The following EZR variants were observed in gnomAD, a reference collection of about 807,000 sequenced individuals.
EZR encodes cytovillin 2.
EZR carries 40 observed loss-of-function variants against 74.8 expected under a neutral mutation model. The observed-to-expected ratio is 0.53, with a 90% CI of 0.42 to 0.70. EZR has a LOEUF of 0.70. Ranked by LOEUF, EZR falls within the 30% of genes least tolerant of loss-of-function variation. The pLI, the probability that EZR is intolerant of heterozygous loss-of-function variation, is 0.00. For synonymous variants in EZR, 341 were observed against 283.3 expected (o/e 1.20, Z -2.05); for missense variants, 678 against 755.8 (o/e 0.90, Z 1.21).
chr6:158,773,475 A>G (rs374826420), intron 8 of EZR, among the ~76,000 whole-genome samples: 4 of 152,264 alleles, frequency 2.6e-5, no homozygotes, highest in African/African-American at 7.2e-5. Flanking sequence ...ATGCAGAACC[A>G]CAACACGACA....
At chr6:158,771,200 T>A (rs776787260) in intron 9 of EZR, 44 bp downstream of exon 9, 1 of 1,565,218 alleles carries the variant, frequency 6.4e-7, no homozygotes, top group Admixed American at 1.9e-5. Context: ...AGTGGCTGAG[T>A]TGGGAGAACA....
chr6:158,790,536 T>C (rs1367642624), intron 2 of EZR, among the ~76,000 whole-genome samples: 1 of 152,190 alleles, frequency 6.6e-6, no homozygotes, highest in Non-Finnish European at 1.5e-5. Context: ...TAGCTGGGCA[T>C]AGTGGCGCAC....
Position 158,818,110 on chromosome 6 carries a change from G to A in EZR, c.-17C>T. ...TTTCGGCATTTTCGGTTTCTGGTGA[G>A]TATCCTCGATCCCCGAAAACACGAC... On this transcript the variant is annotated 5_prime_UTR_variant, in exon 2 of 14. Coordinates refer to ENST00000367075, the MANE Select transcript of EZR (RefSeq NM_001111077.2). 1 of 1,607,594 alleles carries A rather than the reference G, an allele frequency of 6.2e-7. No individual in the cohort carries two copies. Among genetic ancestry groups the A allele is most frequent in the Non-Finnish European group, 8.5e-7 (1 of 1,175,626 alleles).
At chr6:158,808,870 A>AT (rs1777395743) in intron 2 of EZR, among the ~76,000 whole-genome samples, 1 of 152,250 alleles carries the variant, frequency 6.6e-6, no homozygotes, top group Admixed American at 6.5e-5. Context: ...GCTCATGGCT[A>AT]TAATGCCAAC....
intron 2 of EZR, among the ~76,000 whole-genome samples, chr6:158,793,926 T>C (rs1394835412): frequency 2.0e-5 from 3 of 152,154 alleles, no homozygotes; most frequent in Non-Finnish European, 4.4e-5. Flanking sequence ...TTCACTGAGA[T>C]GACAGGACCA....
rs140837132 is a variant in EZR, at chr6:158,794,917, A to G, written c.13-5546T>C. 3.9e-4 allele frequency among the ~76,000 whole-genome samples: 60 copies of G among 152,288 alleles called. 3 individuals are homozygous for G. In the South Asian group the frequency reaches 0.012, roughly 29 times the overall value. On this transcript the variant is annotated intron_variant, in intron 2 of 13. Coordinates refer to ENST00000367075, the MANE Select transcript of EZR (RefSeq NM_001111077.2). ...TACAGATGAAGCTAATGAAAAACCA[A>G]TACTGTTTATACTCTCCCTTTGCTT...
intron 2 of EZR, among the ~76,000 whole-genome samples, chr6:158,790,191 G>C (rs765543835): frequency 6.6e-6 from 1 of 152,114 alleles, no homozygotes; most frequent in Non-Finnish European, 1.5e-5. Context: ...GTAGAAACTG[G>C]GCAAATTGCT....
chr6:158,766,664 C>G lies in EZR; in HGVS notation c.*250G>C, dbSNP rs1001049983. 1 of 544,272 alleles carries G rather than the reference C, an allele frequency of 1.8e-6. No individual in the cohort carries two copies. Among genetic ancestry groups the G allele is most frequent in the Non-Finnish European group, 3.3e-6 (1 of 304,946 alleles). The allele number at this position is 544,272 out of a possible 1,614,324, so 33.7% of individuals were successfully genotyped here. On this transcript the variant is annotated 3_prime_UTR_variant, in exon 14 of 14. Transcript: ENST00000367075. ...TTCCGTAATTCAATCAGTCCTGCTC[C>G]CAGCACAACACAGGAGGTGATTCGA...
chr6:158,766,909 G>T lies in EZR; in HGVS notation c.*5C>A. 1 of 1,613,816 alleles carries T rather than the reference G, an allele frequency of 6.2e-7. No individual in the cohort carries two copies. The highest frequency in any genetic ancestry group is 8.5e-7 in the Non-Finnish European group (1 of 1,179,848). ...ACCCCTCTGCCCTTGGTCCTGGCCT[G>T]GCTGTTACAGGGCCTCGAACTCGTC... On this transcript the variant is annotated 3_prime_UTR_variant, in exon 14 of 14. Coordinates refer to ENST00000367075, the MANE Select transcript of EZR (RefSeq NM_001111077.2).
At chr6:158,779,246 C>T (rs1311057854) in intron 7 of EZR, among the ~76,000 whole-genome samples, 1 of 152,162 alleles carries the variant, frequency 6.6e-6, no homozygotes, top group Non-Finnish European at 1.5e-5. Flanking sequence ...AGCTGAAGGG[C>T]TTTCCAAAGT....
At chr6:158,802,044 A>G (rs777400087) in intron 2 of EZR, among the ~76,000 whole-genome samples, 5 of 152,258 alleles carry the variant, frequency 3.3e-5, no homozygotes, top group Non-Finnish European at 7.3e-5. Context: ...GCCTGTAGGC[A>G]GTGTCTGTCT....
At chr6:158,817,237 T>C (rs1367551992) in intron 2 of EZR, among the ~76,000 whole-genome samples, 1 of 152,082 alleles carries the variant, frequency 6.6e-6, no homozygotes, top group Admixed American at 6.5e-5. Context: ...TGTTAAACCT[T>C]CCCCCTAATG....
chr6:158,781,165 C>T (rs1791422872), intron 7 of EZR, among the ~76,000 whole-genome samples: 1 of 152,154 alleles, frequency 6.6e-6, no homozygotes, highest in Admixed American at 6.5e-5. Context: ...GTTCTCAGCA[C>T]TCCTCAGACT....
At chr6:158,779,741 T>C (rs1791378210) in intron 7 of EZR, among the ~76,000 whole-genome samples, 1 of 152,040 alleles carries the variant, frequency 6.6e-6, no homozygotes, top group African/African-American at 2.4e-5. Context: ...TTTTTTGTAC[T>C]TTTGGTGGAG....
intron 10 of EZR, among the ~76,000 whole-genome samples, chr6:158,770,527 A>G (rs151137700): frequency 4.9e-4 from 75 of 152,344 alleles, no homozygotes; most frequent in Non-Finnish European, 9.7e-4. Flanking sequence ...TTGAGCACTT[A>G]CCGCAAAAGA....
In EZR at chr6:158,766,693, T is replaced by C; in HGVS notation, c.*221A>G. On this transcript the variant is annotated 3_prime_UTR_variant, in exon 14 of 14. Coordinates refer to ENST00000367075, the MANE Select transcript of EZR (RefSeq NM_001111077.2). ...CACAACACAGGAGGTGATTCGAGAA[T>C]AATCGCGAGAATCAGGCCTGCTTGG... The C allele has an allele frequency of 1.7e-6, 1 of 579,196 alleles. No individual in the cohort carries two copies. The highest frequency in any genetic ancestry group is 3.1e-6 in the Non-Finnish European group (1 of 325,324). 35.9% of individuals were successfully genotyped at this position (579,196 alleles called of 1,614,324 possible). A position where few individuals can be genotyped will look rare whatever the true frequency, so the allele number is the denominator to read the frequency against.
chr6:158,790,399 G>A lies in EZR; in HGVS notation c.13-1028C>T, dbSNP rs1057256463. On this transcript the variant is annotated intron_variant, in intron 2 of 13. Coordinates refer to ENST00000367075, the MANE Select transcript of EZR (RefSeq NM_001111077.2). ...TTAAAAAAACAAAACACTGTCGGGC[G>A]CATTGGCTCACACACCTGTAATCCC... Among the ~76,000 whole-genome samples the A allele has an allele frequency of 2.9e-4, 44 of 152,342 alleles. 1 individual carries two copies. The highest frequency in any genetic ancestry group is 3.9e-4 in the East Asian group (2 of 5,190).
chr6:158,775,790 A>G (rs550453303), intron 8 of EZR, among the ~76,000 whole-genome samples: 1 of 152,378 alleles, frequency 6.6e-6, no homozygotes, highest in South Asian at 2.1e-4. Context: ...AGCAGAATAA[A>G]TAAAACCAAA....
intron 2 of EZR, among the ~76,000 whole-genome samples, chr6:158,811,471 T>G (rs565315888): frequency 6.6e-6 from 1 of 152,320 alleles, no homozygotes; most frequent in African/African-American, 2.4e-5. Context: ...CAAAGAGATA[T>G]AAAAGTTTAA....
Sources: allele counts gnomAD v4.1 joint callset (sites outside exome capture counted in the v4.1 genomes callset), GRCh38; gene constraint gnomAD v4.1.1; transcripts MANE v1.5; gene names NCBI Gene and HGNC (gene_info 2026-07-23, HGNC 2026-07-21).